SMC4: variants seen among roughly 807,000 people sequenced by gnomAD.
The protein encoded by SMC4 is structural maintenance of chromosomes protein 4.
Under a neutral mutation model 145.6 loss-of-function variants are expected in SMC4, and 87 were observed. The ratio of observed to expected loss-of-function variants is 0.60; its 90% CI spans 0.50 to 0.71. The LOEUF (loss-of-function observed/expected upper bound fraction) is 0.71, where lower values mean the gene tolerates loss of function less well. Among genes scored for constraint, SMC4 ranks in the 30% least tolerant of loss-of-function variants. The pLI is 0.00. For synonymous variants in SMC4, 558 were observed against 500.7 expected (o/e 1.11, Z -1.53); for missense variants, 1,447 against 1,537.1 (o/e 0.94, Z 0.98).
At chr3:160,413,846 A>C (rs1359939351) in intron 8 of SMC4, 2 of 341,114 alleles carry the variant, frequency 5.9e-6, no homozygotes, top group African/African-American at 2.2e-5. Context: ...GTGGCGTAGC[A>C]CAGTAACAAA....
chr3:160,404,950 A>G (rs1339316579), intron 5 of SMC4: 2 of 296,486 alleles, frequency 6.7e-6, no homozygotes, highest in Non-Finnish European at 1.3e-5. Context: ...CTTCTGATAT[A>G]TAACCAAAAA....
chr3:160,431,361 A>T (rs1486107093), intron 20 of SMC4, among the ~76,000 whole-genome samples, 156 bp downstream of exon 20: 1 of 152,180 alleles, frequency 6.6e-6, no homozygotes, highest in East Asian at 1.9e-4. Flanking sequence ...TTTATAGGGG[A>T]CATAACAATA....
At position 160,434,653 on chromosome 3, in the gene SMC4, CTATAA is replaced by C. The variant is rs1303831731; in HGVS notation, c.*845_*849del. 19 of 152,138 alleles carry C rather than the reference CTATAA, an allele frequency of 1.2e-4. No individual in the cohort carries two copies. The highest frequency in any genetic ancestry group is 4.3e-4 in the African/African-American group (18 of 41,424). 9.4% of individuals were successfully genotyped at this position (152,138 alleles called of 1,614,324 possible). A position where few individuals can be genotyped will look rare whatever the true frequency, so the allele number is the denominator to read the frequency against. ...GTAAGATACCTTGAGTAATGTTTGC[CTATAA>C]AATTGTCAGCGTATTTTTACACTAT... is the stretch of plus-strand genomic sequence containing the variant. On this transcript the variant is annotated 3_prime_UTR_variant, in exon 24 of 24. Coordinates refer to ENST00000357388, the MANE Select transcript of SMC4 (RefSeq NM_001002800.3).
chr3:160,401,912 T>G lies in SMC4; in HGVS notation c.140-3T>G. The G allele has an allele frequency of 1.3e-6, 2 of 1,599,536 alleles. No homozygotes were observed. On this transcript the variant is annotated splice_polypyrimidine_tract_variant and splice_region_variant and intron_variant, in intron 2 of 23. Coordinates refer to ENST00000357388, the MANE Select transcript of SMC4 (RefSeq NM_001002800.3). ...TCGTTTTCCTTTCCTTTCACTGACT[T>G]AGAGACTGCAAGTGAGGAACTTGAT...
chr3:160,404,464 A>G lies in SMC4; in HGVS notation c.647A>G (p.His216Arg). 3 of 1,610,274 alleles carry G rather than the reference A, an allele frequency of 1.9e-6. No individual in the cohort carries two copies. The highest frequency in any genetic ancestry group is 2.5e-6 in the Non-Finnish European group (3 of 1,178,846). ...GATGTTGGAAATCTTCTTCGAAGCC[A>G]TGGAATTGACTTGGACCATAATAGA... ...FKDVGNLLRS[H>R]GIDLDHNRFL... Residue 216 changes from histidine to arginine, a missense_variant, in exon 5 of 24, where the codon CAT becomes CGT. By Grantham distance (29) the His-to-Arg change is conservative. Coordinates refer to ENST00000357388, the MANE Select transcript of SMC4 (RefSeq NM_001002800.3).
rs1158145156 is a variant in SMC4 at position 160,430,623 on chromosome 3, T to C, written c.2820T>C (p.Ser940=). 6.2e-7 allele frequency: 1 copy of C among 1,609,302 alleles called. No individual in the cohort carries two copies. Among genetic ancestry groups the C allele is most frequent in the Non-Finnish European group, 8.5e-7 (1 of 1,178,128 alleles). Residue 940 remains serine (S), a synonymous_variant, in exon 19 of 24, where the codon TCT becomes TCC. Coordinates refer to ENST00000357388, the MANE Select transcript of SMC4 (RefSeq NM_001002800.3). ...GAAACCTTCAAAAGGCACAAGACTC[T>C]GTCTTGCGTACAGAGAAAGAAATAA... ...ADRNLQKAQD[S]VLRTEKEIKD...
intron 17 of SMC4, among the ~76,000 whole-genome samples, chr3:160,427,343 A>G (rs916006137): frequency 3.3e-5 from 5 of 152,226 alleles, no homozygotes; most frequent in Non-Finnish European, 5.9e-5. Context: ...GAGCAAATAC[A>G]AAGGCTGAAG....
chr3:160,417,736 A>G lies in SMC4; in HGVS notation c.1451A>G (p.Glu484Gly), dbSNP rs756733565. ...LQKEKESREK[E>G]LMGFSKSVNE... ...ATATTTTAACAGAGTCGAGAGAAAG[A>G]ACTTATGGGTTTCAGCAAATCGGTA... Residue 484 changes from glutamate (E) to glycine (G), a missense_variant, in exon 11 of 24, where the codon GAA becomes GGA. Coordinates refer to ENST00000357388, the MANE Select transcript of SMC4 (RefSeq NM_001002800.3). 1.2e-6 allele frequency: 2 copies of G among 1,611,282 alleles called. No individual in the cohort carries two copies. The highest frequency in any genetic ancestry group is 1.7e-6 in the Non-Finnish European group (2 of 1,179,518).
intron 6 of SMC4, 105 bp downstream of exon 6, chr3:160,412,189 T>TTA: frequency 7.0e-7 from 1 of 1,430,054 alleles, no homozygotes; most frequent in Non-Finnish European, 9.4e-7. Flanking sequence ...TGAAGAAGTG[T>TTA]TATATTGAAA....
rs66870368 is a variant in SMC4, at chr3:160,425,022, ATGTGTGTGTGTGTG to A, written c.2478+21_2478+34del. On this transcript the variant is annotated splice_donor_5th_base_variant and intron_variant, in intron 16 of 23. Coordinates refer to ENST00000357388, the MANE Select transcript of SMC4 (RefSeq NM_001002800.3). ...AAAAATTTACTGCAAGCATCCAGGT[ATGTGTGTGTGTGTG>A]TGTGTGTGTGTGTGTGTACTGAAAC... 9.9e-5 allele frequency: 145 copies of A among 1,469,564 alleles called. 1 individual carries two copies. In the South Asian group the frequency reaches 1.5e-3, roughly 15 times the overall value. 91.0% of individuals were successfully genotyped at this position (1,469,564 alleles called of 1,614,324 possible). A position where few individuals can be genotyped will look rare whatever the true frequency, so the allele number is the denominator to read the frequency against.
chr3:160,433,806 T>C lies in SMC4; in HGVS notation c.3864T>C (p.Cys1288=), dbSNP rs1577004400. The C allele has an allele frequency of 1.2e-6, 2 of 1,600,340 alleles. No individual in the cohort carries two copies. The highest frequency in any genetic ancestry group is 1.7e-6 in the Non-Finnish European group (2 of 1,175,286). The part of the protein sequence containing the change: ...NPKEIASKGL[C] ...AAGAAATTGCATCTAAGGGACTTTGTTGAACTTTATGCTGAAGATTCTTCA... is the reference window on the plus strand; with the variant it reads ...AAGAAATTGCATCTAAGGGACTTTGCTGAACTTTATGCTGAAGATTCTTCA... Residue 1288 remains cysteine, a synonymous_variant, in exon 24 of 24, where the codon TGT becomes TGC. Transcript: ENST00000357388.
At chr3:160,419,252 GTCTT>G (rs755700624) in intron 11 of SMC4, 102 bp from the exon 12 acceptor site, 78 of 743,990 alleles carry the variant, frequency 1.0e-4, no homozygotes, top group African/African-American at 2.4e-4. Context: ...TTTATTGTTG[GTCTT>G]TCTTTCTTTA....
At chr3:160,404,202 G>T in intron 4 of SMC4, 126 bp from the exon 5 acceptor site, 2 of 751,614 alleles carry the variant, frequency 2.7e-6, no homozygotes, top group South Asian at 3.6e-5. Flanking sequence ...CTGGCAGTTT[G>T]TGTGCATGTT....
At chr3:160,411,846 TG>T (rs994137553) in intron 5 of SMC4, 73 bp from the exon 6 acceptor site, 13 of 1,263,512 alleles carry the variant, frequency 1.0e-5, no homozygotes, top group African/African-American at 3.0e-5. Flanking sequence ...ATTATTTAAC[TG>T]CTCCCAATTC....
At chr3:160,427,952 A>C (rs962902268) in intron 17 of SMC4, among the ~76,000 whole-genome samples, 11 of 149,866 alleles carry the variant, frequency 7.3e-5, no homozygotes, top group East Asian at 1.9e-4. Context: ...CACACACACA[A>C]ACACACACAC....
intron 20 of SMC4, among the ~76,000 whole-genome samples, chr3:160,431,418 A>G (rs1718392653): frequency 6.6e-6 from 1 of 152,200 alleles, no homozygotes. Flanking sequence ...AGAATTAGAC[A>G]ACTACCCTTT....
chr3:160,429,760 A>C (rs1419078879), intron 18 of SMC4, among the ~76,000 whole-genome samples: 1 of 141,764 alleles, frequency 7.1e-6, no homozygotes, highest in South Asian at 2.2e-4. Flanking sequence ...TCTGCCATCC[A>C]GGCTGGAGTA....
intron 12 of SMC4, 85 bp from the exon 13 acceptor site, chr3:160,420,655 T>G: frequency 7.0e-7 from 1 of 1,435,660 alleles, no homozygotes; most frequent in Non-Finnish European, 9.6e-7. Context: ...GTTTTTCAAT[T>G]AAAAGAAGTT....
At position 160,413,472 on chromosome 3, in the gene SMC4, G is replaced by A; in HGVS notation, c.981-1G>A. On this transcript the variant is annotated splice_acceptor_variant, in intron 7 of 23. Coordinates refer to ENST00000357388, the MANE Select transcript of SMC4 (RefSeq NM_001002800.3). LOFTEE classifies it high-confidence loss of function. ...TCTTTTTTTTTTTTTCCTCCCTATA[G>A]TTATGAGTTGCAGAAACGAATTGCT... 6.4e-7 allele frequency: 1 copy of A among 1,565,518 alleles called. No individual in the cohort carries two copies. Among genetic ancestry groups the A allele is most frequent in the South Asian group, 1.2e-5 (1 of 83,764 alleles).
Sources: gnomAD v4.1 joint callset for allele counts (sites outside exome capture counted in the v4.1 genomes callset) on GRCh38, gnomAD v4.1.1 for gene constraint, MANE v1.5 for transcripts, NCBI Gene and HGNC (gene_info 2026-07-23, HGNC 2026-07-21) for gene names.